The following TBC1D30 variants were observed in gnomAD, a reference collection of about 807,000 sequenced individuals.
The protein encoded by TBC1D30 is TBC1 domain family, member 30.
In TBC1D30, 31 loss-of-function variants were observed where a neutral mutation model predicts 63.2. The observed-to-expected ratio is 0.49, with a 90% CI of 0.37 to 0.66. TBC1D30 has a LOEUF of 0.66. Among genes scored for constraint, TBC1D30 ranks in the 30% least tolerant of loss-of-function variants. The pLI is 0.00. For synonymous variants in TBC1D30, 307 were observed against 361.5 expected (o/e 0.85, Z 1.71); for missense variants, 810 against 953.6 (o/e 0.85, Z 1.98).
upstream of TBC1D30, among the ~76,000 whole-genome samples, chr12:64,778,726 A>G (rs963736357): frequency 1.3e-5 from 2 of 151,958 alleles, no homozygotes; most frequent in Admixed American, 6.6e-5. Context: ...AGGTTTCACC[A>G]TGTTGGCCAG....
Position 64,790,628 on chromosome 12 carries a change from A to G in TBC1D30, c.643+4583A>G, listed in dbSNP as rs562798905. Among the ~76,000 whole-genome samples, 29 of 152,354 alleles carry G rather than the reference A, an allele frequency of 1.9e-4. No homozygotes were observed. In the South Asian group the frequency reaches 5.0e-3, roughly 26 times the overall value. ...TTGCTGATCAATATAGAAATTTTAG[A>G]CAGCTTACAGCCTAATTTTATTAAT... On this transcript the variant is annotated intron_variant, in intron 2 of 12. Coordinates refer to the TBC1D30 transcript ENST00000542120.
chr12:64,866,939 G>GTA (rs1878270152), intron 10 of TBC1D30, 36 bp downstream of exon 10: 1 of 1,533,718 alleles, frequency 6.5e-7, no homozygotes, highest in African/African-American at 1.4e-5. Context: ...TTATCATGAT[G>GTA]TATTGGTTTA....
chr12:64,867,840 T>G (rs1204752466), intron 10 of TBC1D30: 1 of 152,238 alleles, frequency 6.6e-6, no homozygotes, highest in Non-Finnish European at 1.5e-5. Flanking sequence ...TACAAAGAGA[T>G]AACTTCCACC....
intron 2 of TBC1D30, among the ~76,000 whole-genome samples, chr12:64,800,511 A>G (rs1158706563): frequency 1.3e-5 from 2 of 152,008 alleles, no homozygotes; most frequent in Non-Finnish European, 2.9e-5. Flanking sequence ...AAAGGCAATG[A>G]GATATTTAGG....
intron 8 of TBC1D30, among the ~76,000 whole-genome samples, chr12:64,856,963 T>C (rs7976528): frequency 0.043 from 6,488 of 151,906 alleles, 451 homozygotes; most frequent in African/African-American, 0.15. Flanking sequence ...GTGAATGCTG[T>C]GAGACCTGGG....
chr12:64,781,830 G>A (rs1871312539), intron 1 of TBC1D30, among the ~76,000 whole-genome samples: 1 of 151,862 alleles, frequency 6.6e-6, no homozygotes, highest in Admixed American at 6.6e-5. Context: ...CAGAGCGTAC[G>A]GTTCCAGGCA....
chr12:64,842,192 T>C (rs955634543), intron 7 of TBC1D30, among the ~76,000 whole-genome samples: 2 of 152,036 alleles, frequency 1.3e-5, no homozygotes, highest in Non-Finnish European at 2.9e-5. Flanking sequence ...GCCCCATCTC[T>C]ACTAAAAATA....
chr12:64,834,624 C>A (rs1439388959), intron 5 of TBC1D30, among the ~76,000 whole-genome samples: 1 of 150,746 alleles, frequency 6.6e-6, no homozygotes. Context: ...CCAGGCTGGT[C>A]TCAAACTCCT....
At chr12:64,850,996 T>A (rs1254594590) in intron 8 of TBC1D30, among the ~76,000 whole-genome samples, 3 of 152,204 alleles carry the variant, frequency 2.0e-5, no homozygotes, top group African/African-American at 4.8e-5. Context: ...GGTTTAGACT[T>A]AGGAGGGTGT....
chr12:64,818,191 T>C (rs948216753), intron 2 of TBC1D30, among the ~76,000 whole-genome samples: 1 of 152,226 alleles, frequency 6.6e-6, no homozygotes, highest in African/African-American at 2.4e-5. Flanking sequence ...TCCAGTTCTA[T>C]TCCTGATGTG....
At chr12:64,866,062 G>A (rs1878188524) in intron 9 of TBC1D30, among the ~76,000 whole-genome samples, 1 of 152,104 alleles carries the variant, frequency 6.6e-6, no homozygotes, top group Non-Finnish European at 1.5e-5. Context: ...CAGAGACAGA[G>A]TCTCGCTATG....
chr12:64,866,632 G>A (rs1011389317), intron 9 of TBC1D30, 132 bp from the exon 10 acceptor site: 1 of 887,696 alleles, frequency 1.1e-6, no homozygotes, highest in East Asian at 2.8e-5. Context: ...CAGAGATGGG[G>A]TTTCACAATG....
chr12:64,800,843 T>C (rs938249067), intron 2 of TBC1D30, among the ~76,000 whole-genome samples: 1 of 152,176 alleles, frequency 6.6e-6, no homozygotes. Context: ...TGAAAGAGCA[T>C]TGGAATTTTC....
intron 2 of TBC1D30, 74 bp from the exon 3 acceptor site, chr12:64,828,370 A>G (rs1874546701): frequency 9.1e-7 from 1 of 1,097,444 alleles, no homozygotes; most frequent in South Asian, 1.4e-5. Flanking sequence ...ATGAATGTCA[A>G]GATGGGAAAA....
chr12:64,777,238 G>C (rs1179437681), upstream of TBC1D30, among the ~76,000 whole-genome samples: 1 of 152,134 alleles, frequency 6.6e-6, no homozygotes, highest in Non-Finnish European at 1.5e-5. Flanking sequence ...ATTCAACATA[G>C]TATTGGAAGT....
chr12:64,795,758 T>A (rs1300506912), intron 2 of TBC1D30, among the ~76,000 whole-genome samples: 1 of 151,790 alleles, frequency 6.6e-6, no homozygotes, highest in Non-Finnish European at 1.5e-5. Flanking sequence ...GATTTAAAAA[T>A]TATCTTTACA....
intron 2 of TBC1D30, 78 bp from the exon 3 acceptor site, chr12:64,828,366 G>T: frequency 1.9e-6 from 2 of 1,066,752 alleles, no homozygotes; most frequent in Non-Finnish European, 1.4e-6. Context: ...TTCTATGAAT[G>T]TCAAGATGGG....
Position 64,878,521 on chromosome 12 carries a change from C to T in TBC1D30, c.*2733C>T, listed in dbSNP as rs895021332. ...ATGATCTAAATCTAGTTAGCAATGT[C>T]AGCCTGTGGACTGCAGCTGTTTGGG... is the stretch of plus-strand genomic sequence containing the variant. On this transcript the variant is annotated 3_prime_UTR_variant, in exon 12 of 12. Coordinates refer to ENST00000539867, the MANE Select transcript of TBC1D30 (RefSeq NM_015279.2). 8.5e-5 allele frequency: 39 copies of T among 456,728 alleles called. No individual in the cohort carries two copies. Among genetic ancestry groups the T allele is most frequent in the Middle Eastern group, 3.3e-4 (1 of 3,076 alleles). 28.3% of individuals were successfully genotyped at this position (456,728 alleles called of 1,614,324 possible). A position where few individuals can be genotyped will look rare whatever the true frequency, so the allele number is the denominator to read the frequency against.
intron 2 of TBC1D30, among the ~76,000 whole-genome samples, chr12:64,800,177 A>G (rs1872523505): frequency 6.6e-6 from 1 of 152,202 alleles, no homozygotes; most frequent in South Asian, 2.1e-4. Context: ...GGTGGCAGAC[A>G]TTCCATGCAG....
Sources: allele counts gnomAD v4.1 joint callset (sites outside exome capture counted in the v4.1 genomes callset), GRCh38; gene constraint gnomAD v4.1.1; transcripts MANE v1.5; gene names NCBI Gene and HGNC (gene_info 2026-07-23, HGNC 2026-07-21).